Variants in NR1H3 observed in about 807,000 individuals in gnomAD.
NR1H3 encodes the protein nuclear receptor subfamily 1 group H member 3, also known as oxysterols receptor LXR-alpha.
Under a neutral mutation model 48.1 loss-of-function variants are expected in NR1H3, and 19 were observed. That is an observed-to-expected ratio of 0.40 (90% CI 0.28 to 0.58). NR1H3 has a LOEUF of 0.58. NR1H3 is among the 20% of genes least tolerant of loss of function. NR1H3 has a pLI of 0.50. For synonymous variants in NR1H3, 232 were observed against 227.3 expected (o/e 1.02, Z -0.19); for missense variants, 486 against 595.9 (o/e 0.82, Z 1.92).
At chr11:47,257,992 C>G (rs1000022350), upstream of NR1H3, 2 of 985,782 alleles carry the variant, frequency 2.0e-6, no homozygotes, top group African/African-American at 3.5e-5. Context: ...CTCTGGGGCT[C>G]CAGGTCCTGC....
Position 47,268,244 on chromosome 11 carries a change from C to T in NR1H3, c.1103-17C>T, listed in dbSNP as rs564471283. 163 of 1,612,840 alleles carry T rather than the reference C, an allele frequency of 1.0e-4. 1 individual carries two copies. In the South Asian group the frequency reaches 1.7e-3, roughly 16 times the overall value. On this transcript the variant is annotated splice_polypyrimidine_tract_variant and intron_variant, in intron 8 of 9. Transcript: ENST00000441012. Reference sequence around the variant, plus strand: ...CCCTGGCCAGACCTGCTCCTCAACTCTCTTGGTGACCTATAGACCGGCCCA... The same window carrying T: ...CCCTGGCCAGACCTGCTCCTCAACTTTCTTGGTGACCTATAGACCGGCCCA...
intron 7 of NR1H3, among the ~76,000 whole-genome samples, chr11:47,264,905 A>G (rs1956300232): frequency 6.6e-6 from 1 of 152,210 alleles, no homozygotes; most frequent in Non-Finnish European, 1.5e-5. Flanking sequence ...TCAGAGGTGC[A>G]TTAGCTAACT....
intron 1 of NR1H3, among the ~76,000 whole-genome samples, chr11:47,251,022 G>C (rs1483941425): frequency 6.6e-6 from 1 of 152,108 alleles, no homozygotes; most frequent in Non-Finnish European, 1.5e-5. Flanking sequence ...AGCCGGGTGT[G>C]GTGGCAGGTG....
rs1380871611 is a variant in NR1H3 at position 47,261,951 on chromosome 11, C to T, written c.921C>T (p.Asn307=). Reference sequence around the variant, plus strand: ...TTCTGGAGACATCTCGGAGGTACAACCCTGGGAGTGAGAGTATCACCTTCC... The same window carrying T: ...TTCTGGAGACATCTCGGAGGTACAATCCTGGGAGTGAGAGTATCACCTTCC... ...VMLLETSRRY[N]PGSESITFLK... The change falls in exon 7 of 10, where the codon AAC becomes AAT. Residue 307 remains asparagine (N), a synonymous_variant. Coordinates refer to ENST00000441012, the MANE Select transcript of NR1H3 (RefSeq NM_005693.4). The T allele has an allele frequency of 6.2e-7, 1 of 1,614,112 alleles. No homozygotes were observed. The highest frequency in any genetic ancestry group is 1.1e-5 in the South Asian group (1 of 91,062).
In NR1H3 at chr11:47,260,606, A is replaced by G. The variant is rs1402509249; in HGVS notation, c.430A>G (p.Thr144Ala). Residue 144 changes from threonine to alanine, a missense_variant, in exon 4 of 10, where the codon ACC becomes GCC. Coordinates refer to ENST00000441012, the MANE Select transcript of NR1H3 (RefSeq NM_005693.4). Reference sequence around the variant, plus strand: ...CAGTGGCGGCCACTGCCCCATGGACACCTACATGCGTCGCAAGTGCCAGGA... The same window carrying G: ...CAGTGGCGGCCACTGCCCCATGGACGCCTACATGCGTCGCAAGTGCCAGGA... ...CHSGGHCPMD[T>A]YMRRKCQECR... The G allele has an allele frequency of 6.2e-7, 1 of 1,613,522 alleles. No homozygotes were observed. The highest frequency in any genetic ancestry group is 1.7e-5 in the Admixed American group (1 of 59,994).
At chr11:47,259,437 C>G (rs1365167998) in intron 2 of NR1H3, 178 bp downstream of exon 2, 1 of 1,555,330 alleles carries the variant, frequency 6.4e-7, no homozygotes, top group Non-Finnish European at 8.7e-7. Context: ...GTGCCTGGCC[C>G]TTGCAGGCAC....
rs1426461954 is a variant in NR1H3, at chr11:47,250,086, TGA to T, written c.-93+1090_-93+1091del. Among the ~76,000 whole-genome samples, 3 of 151,048 alleles carry T rather than the reference TGA, an allele frequency of 2.0e-5. No individual in the cohort carries two copies. In the East Asian group the frequency reaches 5.9e-4, roughly 30 times the overall value. ...CTGCACTCCAGCCTGCGCGACAGAG[TGA>T]GACTGTCTCAAAACAACAACAACAA... On this transcript the variant is annotated intron_variant, in intron 1 of 8. Transcript: ENST00000395397.
intron 7 of NR1H3, among the ~76,000 whole-genome samples, chr11:47,262,791 A>G (rs1014238323): frequency 6.6e-6 from 1 of 152,170 alleles, no homozygotes; most frequent in Non-Finnish European, 1.5e-5. Context: ...GATTACAGGC[A>G]TGAGCCACTG....
At chr11:47,250,657 G>C (rs1249121646) in intron 1 of NR1H3, 5 of 152,142 alleles carry the variant, frequency 3.3e-5, no homozygotes, top group Non-Finnish European at 5.9e-5. Flanking sequence ...CCAGAAAAAT[G>C]TTCACACATA....
chr11:47,261,801 G>A (rs1955902851), intron 6 of NR1H3, 75 bp downstream of exon 6: 1 of 1,607,860 alleles, frequency 6.2e-7, no homozygotes, highest in Non-Finnish European at 8.5e-7. Flanking sequence ...CAGACATCGA[G>A]CTGGGAGAGC....
intron 1 of NR1H3, 158 bp from the exon 2 acceptor site, chr11:47,259,022 A>G: frequency 7.6e-7 from 1 of 1,311,372 alleles, no homozygotes; most frequent in Non-Finnish European, 1.0e-6. Flanking sequence ...AAAAAACATA[A>G]TAGTAATATA....
intron 1 of NR1H3, among the ~76,000 whole-genome samples, chr11:47,252,959 C>CTTTT (rs35321542): frequency 1.8e-5 from 2 of 113,278 alleles, no homozygotes; most frequent in Non-Finnish European, 3.6e-5. Flanking sequence ...AACTTGTATT[C>CTTTT]TTTTTTTTTT....
chr11:47,253,134 C>CGTGTGTGTGTGT (rs60982687), upstream of NR1H3, among the ~76,000 whole-genome samples: 4 of 147,654 alleles, frequency 2.7e-5, no homozygotes, highest in African/African-American at 5.1e-5. Flanking sequence ...AATTTTTGTG[C>CGTGTGTGTGTGT]GTGTGTGTGT....
upstream of NR1H3, chr11:47,248,763 G>A (rs1193214252): frequency 4.4e-6 from 7 of 1,601,280 alleles, no homozygotes; most frequent in East Asian, 2.3e-5. Context: ...GAGCCGCCCG[G>A]CTCCAGCCGG....
upstream of NR1H3, chr11:47,248,910 G>A (rs541058086): frequency 9.1e-6 from 14 of 1,541,676 alleles, no homozygotes; most frequent in Admixed American, 2.4e-4. Context: ...CTTACTTAGG[G>A]ACCTGCTGGG....
chr11:47,261,485 A>G, intron 5 of NR1H3, 36 bp downstream of exon 5: 1 of 1,610,930 alleles, frequency 6.2e-7, no homozygotes, highest in Non-Finnish European at 8.5e-7. Flanking sequence ...GGCTGCGCCC[A>G]GATCACCAGT....
At chr11:47,268,220 C>T in intron 8 of NR1H3, 41 bp from the exon 9 acceptor site, 4 of 1,588,524 alleles carry the variant, frequency 2.5e-6, no homozygotes, top group Non-Finnish European at 3.5e-6. Flanking sequence ...GGAACTGGAC[C>T]CTGGCCAGAC....
Position 47,258,137 on chromosome 11 carries a change from T to G in NR1H3, c.-38+8T>G. ...TGGTGGCCTGGGGATTTGGTGGGTC[T>G]GCTCCTTAGCAGTGGCCTGGGGCTC... On this transcript the variant is annotated splice_region_variant and intron_variant, in intron 1 of 9. Coordinates refer to ENST00000441012, the MANE Select transcript of NR1H3 (RefSeq NM_005693.4). The G allele has an allele frequency of 1.0e-6, 1 of 985,498 alleles. No homozygotes were observed. Among genetic ancestry groups the G allele is most frequent in the East Asian group, 1.1e-4 (1 of 8,774 alleles). 61.0% of individuals were successfully genotyped at this position (985,498 alleles called of 1,614,324 possible). A position where few individuals can be genotyped will look rare whatever the true frequency, so the allele number is the denominator to read the frequency against.
chr11:47,255,607 C>CTT (rs1955064097), upstream of NR1H3, among the ~76,000 whole-genome samples: 1 of 119,838 alleles, frequency 8.3e-6, no homozygotes, highest in African/African-American at 3.8e-5. Context: ...CTCTCTCTCT[C>CTT]TCTCTCTCTC....
Sources: allele counts gnomAD v4.1 joint callset (sites outside exome capture counted in the v4.1 genomes callset), GRCh38; gene constraint gnomAD v4.1.1; transcripts MANE v1.5; gene names NCBI Gene and HGNC (gene_info 2026-07-23, HGNC 2026-07-21).